The following PLD1 variants were observed in gnomAD, a reference collection of about 807,000 sequenced individuals.
PLD1 encodes the protein phospholipase D1.
PLD1 carries 112 observed loss-of-function variants against 137.1 expected under a neutral mutation model. The observed-to-expected ratio is 0.82, with a 90% CI of 0.70 to 0.96. PLD1 has a LOEUF of 0.96. Ranked by LOEUF, PLD1 falls within the 40% of genes least tolerant of loss-of-function variation. The pLI is 0.00. For synonymous variants in PLD1, 431 were observed against 454.7 expected, an observed-to-expected ratio of 0.95 and a Z score of 0.66; for missense variants, 1,321 against 1,342.0, an observed-to-expected ratio of 0.98 and a Z score of 0.24.
Position 171,642,887 on chromosome 3 carries a change from G to T in PLD1, c.2546C>A (p.Thr849Asn). 1 of 1,570,270 alleles carries T rather than the reference G, an allele frequency of 6.4e-7. No homozygotes were observed. Among genetic ancestry groups the T allele is most frequent in the Non-Finnish European group, 8.7e-7 (1 of 1,145,580 alleles). Residue 849 changes from threonine to asparagine, a missense_variant and splice_region_variant, in exon 23 of 27, where the codon ACC (threonine) becomes AAC (asparagine). Transcript: ENST00000351298. The part of the protein sequence containing the change: ...LQAIMHFNYR[T>N]MCRGENSILG... The stretch of plus-strand genomic sequence containing the variant: ...GATGGAATTTTCTCCTCTGCACATG[G>T]TTCTGAAAATATGTAAAGGAGAAAA...
At position 171,601,680 on chromosome 3, in the gene PLD1, C is replaced by G. The variant is rs903336863; in HGVS notation, c.*1398G>C. On this transcript the variant is annotated 3_prime_UTR_variant, in exon 27 of 27. Coordinates refer to ENST00000351298, the MANE Select transcript of PLD1 (RefSeq NM_002662.5). ...GCTTTATGAAAACAGGGATCGGCTG[C>G]TTGCTTCTTTGAAGAACAACCCAAA... is the stretch of plus-strand genomic sequence containing the variant. 13 of 152,158 alleles carry G rather than the reference C, an allele frequency of 8.5e-5. No homozygotes were observed. Among genetic ancestry groups the G allele is most frequent in the Admixed American group, 2.0e-4 (3 of 15,274 alleles). 9.4% of individuals were successfully genotyped at this position (152,158 alleles called of 1,614,324 possible). A position where few individuals can be genotyped will look rare whatever the true frequency, so the allele number is the denominator to read the frequency against.
intron 1 of PLD1, among the ~76,000 whole-genome samples, chr3:171,754,610 C>G (rs1219645721): frequency 6.6e-6 from 1 of 152,082 alleles, no homozygotes; most frequent in Non-Finnish European, 1.5e-5. Context: ...TTGTGTCTAA[C>G]CAAACTACTT....
At chr3:171,678,990 A>AGAGAGACCTCCCG (rs567156159) in intron 16 of PLD1, among the ~76,000 whole-genome samples, 169 of 75,274 alleles carry the variant, frequency 2.2e-3, no homozygotes, top group African/African-American at 7.6e-3. Context: ...ATCACCTGCC[A>AGAGAGACCTCCCG]TCTCCCCATA....
chr3:171,693,134 G>C (rs1715358797), intron 12 of PLD1, among the ~76,000 whole-genome samples: 1 of 152,148 alleles, frequency 6.6e-6, no homozygotes, highest in Non-Finnish European at 1.5e-5. Context: ...TAAATCAAAA[G>C]TGCCTTGTAG....
chr3:171,775,864 T>A (rs1435310080), intron 1 of PLD1, among the ~76,000 whole-genome samples: 4 of 151,362 alleles, frequency 2.6e-5, no homozygotes, highest in African/African-American at 7.3e-5. Flanking sequence ...ACAAAAAAAA[T>A]TAATTAATTA....
chr3:171,673,444 G>A (rs1282308432), intron 19 of PLD1, among the ~76,000 whole-genome samples: 1 of 151,966 alleles, frequency 6.6e-6, no homozygotes, highest in East Asian at 1.9e-4. Flanking sequence ...ACCACGCCCA[G>A]CTAATTTCTT....
intron 19 of PLD1, among the ~76,000 whole-genome samples, chr3:171,670,549 C>CA (rs1712639086): frequency 6.6e-6 from 1 of 152,054 alleles, no homozygotes; most frequent in South Asian, 2.1e-4. Context: ...ACTGAGATGG[C>CA]AAAAAGCTAA....
chr3:171,689,561 C>T (rs982344226), intron 13 of PLD1, among the ~76,000 whole-genome samples: 7 of 152,050 alleles, frequency 4.6e-5, no homozygotes, highest in South Asian at 2.1e-4. Context: ...AGTGTAGACA[C>T]GTGATCATAG....
At position 171,693,814 on chromosome 3, in the gene PLD1, TAA is replaced by T. The variant is rs557574389; in HGVS notation, c.1228-1374_1228-1373del. On this transcript the variant is annotated intron_variant, in intron 12 of 26. Coordinates refer to ENST00000351298, the MANE Select transcript of PLD1 (RefSeq NM_002662.5). ...AAAATAATTTTGTTACAGTTTATAT[TAA>T]GATTCCATGGTGATTAGTCATTGTT... Among the ~76,000 whole-genome samples, 6 of 152,308 alleles carry T rather than the reference TAA, an allele frequency of 3.9e-5. No homozygotes were observed. In the East Asian group the frequency reaches 1.2e-3, roughly 29 times the overall value.
chr3:171,695,872 G>T (rs1445121535), intron 12 of PLD1, among the ~76,000 whole-genome samples: 2 of 152,072 alleles, frequency 1.3e-5, no homozygotes, highest in Non-Finnish European at 2.9e-5. Flanking sequence ...CCGTTTAAAA[G>T]CAGGCAGCAT....
chr3:171,614,150 G>A (rs1264067343), intron 24 of PLD1, among the ~76,000 whole-genome samples: 1 of 152,184 alleles, frequency 6.6e-6, no homozygotes, highest in Non-Finnish European at 1.5e-5. Flanking sequence ...GACTATGGAT[G>A]TGAGTGTTTC....
intron 1 of PLD1, among the ~76,000 whole-genome samples, chr3:171,796,695 G>A (rs559192845): frequency 1.1e-4 from 16 of 152,250 alleles, no homozygotes; most frequent in African/African-American, 3.4e-4. Flanking sequence ...GAGAGATCCA[G>A]CCATTACCAA....
Position 171,649,761 on chromosome 3 carries a change from T to C in PLD1, c.2430-4738A>G, listed in dbSNP as rs139679898. Among the ~76,000 whole-genome samples the C allele has an allele frequency of 1.5e-3, 228 of 152,264 alleles. 2 individuals carry two copies. The Middle Eastern group carries it at 0.027, about 18-fold the overall frequency. Reference sequence around the variant, plus strand: ...GCATTCTCAGGCTTCTTGTTAAAAGTTTTTCTTCAAAATTCACTAACTCTT... The same window carrying C: ...GCATTCTCAGGCTTCTTGTTAAAAGCTTTTCTTCAAAATTCACTAACTCTT... On this transcript the variant is annotated intron_variant, in intron 21 of 26. Coordinates refer to ENST00000351298, the MANE Select transcript of PLD1 (RefSeq NM_002662.5).
chr3:171,622,089 T>A (rs1733688052), intron 23 of PLD1, among the ~76,000 whole-genome samples: 1 of 152,236 alleles, frequency 6.6e-6, no homozygotes, highest in Non-Finnish European at 1.5e-5. Context: ...TCATCTACTC[T>A]CCTACAGCTG....
chr3:171,749,326 T>C (rs1256436606), intron 1 of PLD1, among the ~76,000 whole-genome samples: 3 of 152,102 alleles, frequency 2.0e-5, no homozygotes, highest in African/African-American at 7.2e-5. Flanking sequence ...CTCAGAATCA[T>C]GGGAGGCAGC....
At chr3:171,677,220 T>C (rs188746953) in intron 17 of PLD1, among the ~76,000 whole-genome samples, 7 of 152,218 alleles carry the variant, frequency 4.6e-5, no homozygotes, top group African/African-American at 7.2e-5. Context: ...CCTGAAAATA[T>C]GCCATTCTAA....
chr3:171,780,907 A>G (rs540544178), intron 1 of PLD1, among the ~76,000 whole-genome samples: 33 of 152,252 alleles, frequency 2.2e-4, no homozygotes, highest in Non-Finnish European at 4.4e-4. Flanking sequence ...CTATAGATCC[A>G]ACACAATACC....
chr3:171,672,328 C>T (rs1021043753), intron 19 of PLD1, among the ~76,000 whole-genome samples: 1 of 152,168 alleles, frequency 6.6e-6, no homozygotes, highest in African/African-American at 2.4e-5. Context: ...ACGGACAACA[C>T]TTAGTAAACA....
At chr3:171,678,164 T>C (rs148479620) in intron 16 of PLD1, among the ~76,000 whole-genome samples, 21 of 152,294 alleles carry the variant, frequency 1.4e-4, no homozygotes, top group African/African-American at 4.8e-4. Flanking sequence ...ACCAACATGG[T>C]GCACACCTGA....
Sources: allele counts gnomAD v4.1 joint callset (sites outside exome capture counted in the v4.1 genomes callset), GRCh38; gene constraint gnomAD v4.1.1; transcripts MANE v1.5; gene names NCBI Gene and HGNC (gene_info 2026-07-23, HGNC 2026-07-21).